HNRNPD: variants seen among roughly 807,000 people sequenced by gnomAD.
The protein encoded by HNRNPD is heterogeneous nuclear ribonucleoprotein D0.
A neutral mutation model predicts 47.9 loss-of-function variants in HNRNPD; 3 were observed. That is an observed-to-expected ratio of 0.06 (90% CI 0.03 to 0.16). The LOEUF (loss-of-function observed/expected upper bound fraction) is 0.16, where lower values mean the gene tolerates loss of function less well. Ranked by LOEUF, HNRNPD falls within the 10% of genes least tolerant of loss-of-function variation. The probability of loss-of-function intolerance (pLI) is 1.00; values close to 1 mark genes in which losing one functional copy is unlikely to be tolerated. For synonymous variants in HNRNPD, 171 were observed against 165.1 expected (o/e 1.04, Z -0.28); for missense variants, 287 against 454.2 (o/e 0.63, Z 3.35).
Position 82,373,935 on chromosome 4 carries a change from G to T in HNRNPD, c.-257C>A. On this transcript the variant is annotated 5_prime_UTR_variant, in exon 1 of 9. Transcript: ENST00000313899. ...AAAAGAATAAGCACCAGCGGCGGCC[G>T]CTCTCGCCTCCTCCTCGCTTTAATG... 2 of 826,706 alleles carry T rather than the reference G, an allele frequency of 2.4e-6. No homozygotes were observed. The highest frequency in any genetic ancestry group is 3.5e-6 in the Non-Finnish European group (2 of 573,312). The allele number at this position is 826,706 out of a possible 1,614,324, so 51.2% of individuals were successfully genotyped here. A position where few individuals can be genotyped will look rare whatever the true frequency, so the allele number is the denominator to read the frequency against.
At chr4:82,355,497 T>A in intron 7 of HNRNPD, 96 bp from the exon 8 acceptor site, 2 of 867,614 alleles carry the variant, frequency 2.3e-6, no homozygotes, top group Non-Finnish European at 3.7e-6. Context: ...AAATTAAGGG[T>A]AGCTTAATTC....
At chr4:82,366,588 A>C (rs780411256) in intron 2 of HNRNPD, among the ~76,000 whole-genome samples, 3 of 151,192 alleles carry the variant, frequency 2.0e-5, no homozygotes, top group Non-Finnish European at 4.4e-5. Context: ...TTTTTTTGAG[A>C]CGGAGTCTTG....
chr4:82,373,178 G>A (rs1385428629), intron 1 of HNRNPD: 3 of 661,310 alleles, frequency 4.5e-6, no homozygotes, highest in Admixed American at 2.1e-5. Flanking sequence ...CCCATGGCGA[G>A]GGAGGAAAGG....
chr4:82,357,118 A>G (rs1229050303), intron 5 of HNRNPD, among the ~76,000 whole-genome samples, 195 bp downstream of exon 5: 1 of 152,222 alleles, frequency 6.6e-6, no homozygotes, highest in African/African-American at 2.4e-5. Flanking sequence ...TCTAAAAACT[A>G]TTTTTGTGAA....
chr4:82,356,658 T>A lies in HNRNPD; in HGVS notation c.879A>T (p.Gly293=). 6.2e-7 allele frequency: 1 copy of A among 1,613,240 alleles called. No homozygotes were observed. The highest frequency in any genetic ancestry group is 8.5e-7 in the Non-Finnish European group (1 of 1,180,008). ...AGCCTTGATTCCAATAGTTACTATA[T>A]CCCTGGTTCCAGTTTTGACTGGGGC... The part of the protein sequence containing the change: ...GGGPSQNWNQ[G]YSNYWNQGYG... The change falls in exon 7 of 9, where the codon GGA becomes GGT. Residue 293 remains glycine (G), a synonymous_variant. Coordinates refer to ENST00000313899, the MANE Select transcript of HNRNPD (RefSeq NM_031370.3).
At chr4:82,365,606 C>T (rs1313500232) in intron 2 of HNRNPD, among the ~76,000 whole-genome samples, 1 of 151,818 alleles carries the variant, frequency 6.6e-6, no homozygotes, top group Admixed American at 6.6e-5. Flanking sequence ...GTATAAAATT[C>T]ATGAAAACCA....
intron 2 of HNRNPD, among the ~76,000 whole-genome samples, chr4:82,371,300 C>T (rs769472099): frequency 3.9e-5 from 6 of 152,148 alleles, no homozygotes; most frequent in Non-Finnish European, 7.4e-5. Flanking sequence ...AATTGCCAAA[C>T]TGCAACTACA....
At chr4:82,371,479 A>C in intron 2 of HNRNPD, 49 bp downstream of exon 2, 1 of 1,432,214 alleles carries the variant, frequency 7.0e-7, no homozygotes, top group East Asian at 2.4e-5. Flanking sequence ...TCTACATATT[A>C]TGACTACTGA....
Position 82,373,880 on chromosome 4 carries a change from G to T in HNRNPD, c.-202C>A, listed in dbSNP as rs1720285246. ...CCTTCGCCTCCCACTCTCGCGCGGCGCACACTCCCGCTCTCTCCCGCTGCA... is the reference window on the plus strand; with the variant it reads ...CCTTCGCCTCCCACTCTCGCGCGGCTCACACTCCCGCTCTCTCCCGCTGCA... On this transcript the variant is annotated 5_prime_UTR_variant, in exon 1 of 9. Transcript: ENST00000313899. 1.7e-6 allele frequency: 2 copies of T among 1,202,258 alleles called. No homozygotes were observed. The highest frequency in any genetic ancestry group is 2.2e-6 in the Non-Finnish European group (2 of 896,766). 74.5% of individuals were successfully genotyped at this position (1,202,258 alleles called of 1,614,324 possible).
At chr4:82,355,278 A>C (rs1156584149) in intron 8 of HNRNPD, 26 bp downstream of exon 8, 25 of 1,219,624 alleles carry the variant, frequency 2.0e-5, no homozygotes, top group East Asian at 1.9e-4. Context: ...TGTAAATGAC[A>C]AAAAAAAACT....
At chr4:82,370,999 C>A (rs989948283) in intron 2 of HNRNPD, among the ~76,000 whole-genome samples, 5 of 151,862 alleles carry the variant, frequency 3.3e-5, no homozygotes, top group African/African-American at 1.2e-4. Flanking sequence ...CACACACACA[C>A]ACACACTTCT....
At chr4:82,356,768 G>C in intron 6 of HNRNPD, 28 bp downstream of exon 6, 1 of 1,612,584 alleles carries the variant, frequency 6.2e-7, no homozygotes, top group Admixed American at 1.7e-5. Flanking sequence ...AAAAGCTTAA[G>C]ATAGAGTAAA....
chr4:82,372,595 GA>G (rs1720108002), intron 1 of HNRNPD, among the ~76,000 whole-genome samples: 1 of 152,116 alleles, frequency 6.6e-6, no homozygotes, highest in African/African-American at 2.4e-5. Flanking sequence ...AACAGTTGGG[GA>G]ACCCAATAGC....
rs894769579 is a variant in HNRNPD, at chr4:82,373,968, C to T, written c.-290G>A. 3 of 654,650 alleles carry T rather than the reference C, an allele frequency of 4.6e-6. No homozygotes were observed. Among genetic ancestry groups the T allele is most frequent in the South Asian group, 4.5e-5 (2 of 44,262 alleles). 40.6% of individuals were successfully genotyped at this position (654,650 alleles called of 1,614,324 possible). On this transcript the variant is annotated 5_prime_UTR_variant, in exon 1 of 9. Transcript: ENST00000313899. ...CTCCTCCTCGCTTTAATGGCGCCGC[C>T]GCGGACCACCTAAAATGGCCGACGG...
intron 3 of HNRNPD, 102 bp downstream of exon 3, chr4:82,359,369 A>T: frequency 1.4e-6 from 1 of 712,524 alleles, no homozygotes; most frequent in Non-Finnish European, 2.1e-6. Context: ...TCCTTCCTAT[A>T]CTATCAAAAT....
chr4:82,373,179 G>A (rs1298808451), intron 1 of HNRNPD: 3 of 661,822 alleles, frequency 4.5e-6, no homozygotes, highest in South Asian at 1.5e-5. Flanking sequence ...CCATGGCGAG[G>A]GAGGAAAGGA....
intron 2 of HNRNPD, 60 bp from the exon 3 acceptor site, chr4:82,359,699 C>CA (rs1578048611): frequency 7.2e-6 from 8 of 1,114,048 alleles, no homozygotes; most frequent in Admixed American, 2.2e-5. Flanking sequence ...ATATTATCCA[C>CA]ATCAATAACA....
At chr4:82,367,026 C>CT (rs34807755) in intron 2 of HNRNPD, among the ~76,000 whole-genome samples, 8,836 of 127,996 alleles carry the variant, frequency 0.069, 369 homozygotes, top group African/African-American at 0.11. Context: ...ACACACTAGC[C>CT]TTTTTTTTTT....
At position 82,366,634 on chromosome 4, in the gene HNRNPD, T is replaced by C. The variant is rs148558780; in HGVS notation, c.290+4894A>G. Among the ~76,000 whole-genome samples, 1,416 of 152,286 alleles carry C rather than the reference T, an allele frequency of 9.3e-3. 8 individuals are homozygous for C. Among genetic ancestry groups the C allele is most frequent in the Middle Eastern group, 0.017 (5 of 294 alleles). ...CAAGCTGGAATGCAGTGGTGCAACC[T>C]TGTCTCACTGCAACCTCCGCCTCCA... On this transcript the variant is annotated intron_variant, in intron 2 of 8. Coordinates refer to ENST00000313899, the MANE Select transcript of HNRNPD (RefSeq NM_031370.3).
Sources: allele counts gnomAD v4.1 joint callset (sites outside exome capture counted in the v4.1 genomes callset), GRCh38; gene constraint gnomAD v4.1.1; transcripts MANE v1.5; gene names NCBI Gene and HGNC (gene_info 2026-07-23, HGNC 2026-07-21).